The following HCN1 variants were observed in gnomAD, a reference collection of about 807,000 sequenced individuals.
The protein encoded by HCN1 is hyperpolarization activated cyclic nucleotide gated potassium channel 1.
HCN1 carries 13 observed loss-of-function variants against 78.9 expected under a neutral mutation model. The observed-to-expected ratio is 0.16, with a 90% CI of 0.11 to 0.26. HCN1 has a LOEUF of 0.26. HCN1 is among the 10% of genes least tolerant of loss of function. The probability of loss-of-function intolerance (pLI) is 1.00; values close to 1 mark genes in which losing one functional copy is unlikely to be tolerated. For missense variants in HCN1, 810 were observed against 1,154.3 expected, an observed-to-expected ratio of 0.70 and a Z score of 4.32; for synonymous variants, 552 against 455.5, an observed-to-expected ratio of 1.21 and a Z score of -2.70.
intron 4 of HCN1, among the ~76,000 whole-genome samples, chr5:45,368,200 T>A (rs1561126101): frequency 6.6e-6 from 1 of 151,988 alleles, no homozygotes; most frequent in Non-Finnish European, 1.5e-5. Context: ...ATAAACAATT[T>A]CTCAAAATCA....
intron 2 of HCN1, among the ~76,000 whole-genome samples, chr5:45,485,202 C>T (rs1741731697): frequency 6.6e-6 from 1 of 152,128 alleles, no homozygotes; most frequent in Admixed American, 6.5e-5. Flanking sequence ...AATGTAGGCG[C>T]TAAAAGAATT....
At position 45,446,147 on chromosome 5, in the gene HCN1, T is replaced by G. The variant is rs566121101; in HGVS notation, c.1011+15699A>C. The stretch of plus-strand genomic sequence containing the variant: ...AGAAGTTGAAAACTTTGAAAAAAAT[T>G]TAGACGAATGTATAACTAGAATAAC... On this transcript the variant is annotated intron_variant, in intron 3 of 7. Coordinates refer to ENST00000303230, the MANE Select transcript of HCN1 (RefSeq NM_021072.4). Among the ~76,000 whole-genome samples the G allele has an allele frequency of 4.3e-3, 658 of 152,154 alleles. 5 individuals carry two copies. Among genetic ancestry groups the G allele is most frequent in the Non-Finnish European group, 6.0e-3 (411 of 67,992 alleles).
intron 2 of HCN1, among the ~76,000 whole-genome samples, chr5:45,604,067 A>T (rs1165374543): frequency 6.6e-6 from 1 of 152,116 alleles, no homozygotes; most frequent in Non-Finnish European, 1.5e-5. Flanking sequence ...TCACAAAATT[A>T]TTCAAATGAA....
chr5:45,626,641 C>G (rs1580005811), intron 2 of HCN1, among the ~76,000 whole-genome samples: 1 of 151,920 alleles, frequency 6.6e-6, no homozygotes, highest in East Asian at 1.9e-4. Context: ...AGAAAACAAC[C>G]AATGTAAAAA....
At chr5:45,361,485 TA>T (rs1404938110) in intron 4 of HCN1, among the ~76,000 whole-genome samples, 1 of 152,228 alleles carries the variant, frequency 6.6e-6, no homozygotes, top group African/African-American at 2.4e-5. Context: ...GCTAATTTTG[TA>T]TTTTCAGTAG....
At chr5:45,345,298 G>A (rs541670536) in intron 5 of HCN1, among the ~76,000 whole-genome samples, 1 of 152,300 alleles carries the variant, frequency 6.6e-6, no homozygotes, top group South Asian at 2.1e-4. Flanking sequence ...GGTCTGTGAT[G>A]GGAGGGGCTA....
intron 2 of HCN1, among the ~76,000 whole-genome samples, chr5:45,593,621 G>A (rs150462018): frequency 2.4e-4 from 35 of 146,554 alleles, no homozygotes; most frequent in Non-Finnish European, 4.5e-5. Flanking sequence ...ACTTTTAAAT[G>A]GCTACAGCGG....
chr5:45,609,655 G>A (rs938280471), intron 2 of HCN1, among the ~76,000 whole-genome samples: 1 of 152,034 alleles, frequency 6.6e-6, no homozygotes, highest in Non-Finnish European at 1.5e-5. Flanking sequence ...AAACCATGAT[G>A]GAGTCTCTGT....
chr5:45,496,684 T>A (rs1288216190), intron 2 of HCN1, among the ~76,000 whole-genome samples: 1 of 152,096 alleles, frequency 6.6e-6, no homozygotes, highest in Non-Finnish European at 1.5e-5. Flanking sequence ...TTTTGAAGGG[T>A]TTTTTGTGTC....
chr5:45,530,047 CATA>C (rs1485149135), intron 2 of HCN1, among the ~76,000 whole-genome samples: 1 of 151,968 alleles, frequency 6.6e-6, no homozygotes, highest in East Asian at 1.9e-4. Context: ...ATCTGTTAAA[CATA>C]ATAGAGACGA....
At chr5:45,350,547 A>G (rs1324389396) in intron 5 of HCN1, among the ~76,000 whole-genome samples, 4 of 151,644 alleles carry the variant, frequency 2.6e-5, no homozygotes, top group Non-Finnish European at 4.4e-5. Context: ...GGAGAAGGAA[A>G]TAAAGGGTAT....
intron 3 of HCN1, among the ~76,000 whole-genome samples, chr5:45,426,436 G>T (rs1405934347): frequency 6.6e-6 from 1 of 152,180 alleles, no homozygotes; most frequent in Non-Finnish European, 1.5e-5. Flanking sequence ...GGGACCTGGT[G>T]GAGGTAATTG....
Position 45,261,131 on chromosome 5 carries a change from A to C in HCN1, c.*790T>G, listed in dbSNP as rs1423571803. The C allele has an allele frequency of 6.5e-6, 1 of 152,688 alleles. No homozygotes were observed. The highest frequency in any genetic ancestry group is 1.5e-5 in the Non-Finnish European group (1 of 68,048). 9.5% of individuals were successfully genotyped at this position (152,688 alleles called of 1,614,324 possible). On this transcript the variant is annotated 3_prime_UTR_variant, in exon 8 of 8. Transcript: ENST00000303230. ...CTCTAAGTTTTGAAGTGAAGCAATA[A>C]AACTAAATTCTTAAACAATGACTTT... is the stretch of plus-strand genomic sequence containing the variant.
At chr5:45,674,328 G>A (rs144685271) in intron 1 of HCN1, among the ~76,000 whole-genome samples, 7 of 151,556 alleles carry the variant, frequency 4.6e-5, no homozygotes, top group Non-Finnish European at 5.9e-5. Flanking sequence ...AACTCTCTGA[G>A]AAGGCAGCTA....
intron 2 of HCN1, among the ~76,000 whole-genome samples, chr5:45,573,034 G>A (rs564100807): frequency 2.0e-5 from 3 of 152,056 alleles, no homozygotes; most frequent in Non-Finnish European, 4.4e-5. Context: ...GCTTAGCTGC[G>A]CAAAATGTTT....
intron 4 of HCN1, 24 bp downstream of exon 4, chr5:45,396,468 T>C (rs372289377): frequency 3.8e-6 from 6 of 1,591,518 alleles, no homozygotes; most frequent in Middle Eastern, 1.8e-4. Flanking sequence ...GTTAAAGACA[T>C]TGGCGATAAA....
chr5:45,546,987 A>G (rs1743244307), intron 2 of HCN1, among the ~76,000 whole-genome samples: 2 of 151,850 alleles, frequency 1.3e-5, no homozygotes, highest in South Asian at 4.1e-4. Flanking sequence ...CTCAGTCTTC[A>G]TTTCTGACTT....
chr5:45,434,130 G>A (rs1047715641), intron 3 of HCN1, among the ~76,000 whole-genome samples: 1 of 152,172 alleles, frequency 6.6e-6, no homozygotes, highest in Non-Finnish European at 1.5e-5. Context: ...CTCCTCTAGG[G>A]AGAGTACAAT....
chr5:45,404,852 A>G (rs1739890746), intron 3 of HCN1, among the ~76,000 whole-genome samples: 1 of 152,030 alleles, frequency 6.6e-6, no homozygotes, highest in Non-Finnish European at 1.5e-5. Flanking sequence ...TAGCTTTCAC[A>G]TGAGCTGAAA....
Sources: allele counts gnomAD v4.1 joint callset (sites outside exome capture counted in the v4.1 genomes callset), GRCh38; gene constraint gnomAD v4.1.1; transcripts MANE v1.5; gene names NCBI Gene and HGNC (gene_info 2026-07-23, HGNC 2026-07-21).